FAM120B: variants seen among roughly 807,000 people sequenced by gnomAD.
FAM120B encodes the protein family with sequence similarity 120 member B, also known as constitutive coactivator of peroxisome proliferator-activated receptor gamma.
FAM120B carries 83 observed loss-of-function variants against 96.3 expected under a neutral mutation model. That is an observed-to-expected ratio of 0.86 (90% CI 0.72 to 1.03). FAM120B has a LOEUF of 1.03. FAM120B is among the 50% of genes least tolerant of loss of function. FAM120B has a pLI of 0.00. For synonymous variants in FAM120B, 407 were observed against 402.7 expected (o/e 1.01, Z -0.13); for missense variants, 1,027 against 1,121.2 (o/e 0.92, Z 1.20).
At chr6:170,398,906 G>A (rs1164987646) in intron 9 of FAM120B, among the ~76,000 whole-genome samples, 41 of 144,650 alleles carry the variant, frequency 2.8e-4, no homozygotes, top group Non-Finnish European at 2.5e-4. Context: ...AGTGGGAAAG[G>A]TAGAACTATG....
At chr6:170,352,236 ACTAT>A (rs1419443299) in intron 5 of FAM120B, among the ~76,000 whole-genome samples, 2 of 152,246 alleles carry the variant, frequency 1.3e-5, no homozygotes, top group Non-Finnish European at 2.9e-5. Flanking sequence ...AGAAGAGCTA[ACTAT>A]CCTATGTATG....
chr6:170,320,511 T>A (rs1042485291), intron 2 of FAM120B, among the ~76,000 whole-genome samples: 1 of 152,190 alleles, frequency 6.6e-6, no homozygotes, highest in Non-Finnish European at 1.5e-5. Flanking sequence ...GAAGTGAAAC[T>A]AATAAATAAG....
At chr6:170,399,215 G>T (rs1454603963) in intron 9 of FAM120B, among the ~76,000 whole-genome samples, 3 of 147,160 alleles carry the variant, frequency 2.0e-5, no homozygotes, top group Admixed American at 6.7e-5. Flanking sequence ...GAGTGGGAAA[G>T]GTAGAACTAT....
rs1183439122 is a variant in FAM120B at position 170,295,925 on chromosome 6, G to C, written c.48+472G>C. On this transcript the variant is annotated intron_variant, in intron 1 of 10. Transcript: ENST00000537664. The surrounding 1 kb of genome is among the most constrained non-coding windows in gnomAD (Gnocchi z 7.8). ...TGATTTGCATGAGAACGGGCGGGTC[G>C]CGTGGCTCAGCTGGCGGCCCCGGCG... Among the ~76,000 whole-genome samples the C allele has an allele frequency of 6.6e-6, 1 of 152,010 alleles. No homozygotes were observed. The highest frequency in any genetic ancestry group is 1.5e-5 in the Non-Finnish European group (1 of 67,976).
At position 170,323,289 on chromosome 6, in the gene FAM120B, G is replaced by T. The variant is rs375196720; in HGVS notation, c.1915+30G>T. The T allele has an allele frequency of 2.0e-5, 32 of 1,575,604 alleles. No homozygotes were observed. The African/African-American group carries it at 3.7e-4, about 18-fold the overall frequency. On this transcript the variant is annotated intron_variant, in intron 3 of 10. Coordinates refer to ENST00000476287, the MANE Select transcript of FAM120B (RefSeq NM_032448.3). ...GAATTGGTTGGTCCCTCTTAGTAAA[G>T]GTTCTATTTGGAGTTGAGTTCTGAG...
Position 170,400,411 on chromosome 6 carries a change from T to C in FAM120B, c.2693-4139T>C, listed in dbSNP as rs148762027. ...TGTTTGGTACTGACTCCTCTGGGAA[T>C]GATAAGAGTCACAGGCTTTTCTTTA... On this transcript the variant is annotated intron_variant, in intron 9 of 10. Transcript: ENST00000476287. 2.8e-3 allele frequency among the ~76,000 whole-genome samples: 419 copies of C among 152,264 alleles called. 2 individuals are homozygous for C. The highest frequency in any genetic ancestry group is 9.8e-3 in the African/African-American group (409 of 41,536).
At position 170,406,056 on chromosome 6, in the gene FAM120B, A is replaced by C. The variant is rs1259357170; in HGVS notation, c.*1305A>C. On this transcript the variant is annotated 3_prime_UTR_variant, in exon 11 of 11. Coordinates refer to ENST00000476287, the MANE Select transcript of FAM120B (RefSeq NM_032448.3). ...TCAGAGTAATCCTTTTCATGGAAGA[A>C]TCTTCAGGTCACCAAAGAATTGAAA... The C allele has an allele frequency of 1.3e-5, 2 of 152,256 alleles. No homozygotes were observed. Among genetic ancestry groups the C allele is most frequent in the Admixed American group, 1.3e-4 (2 of 15,288 alleles). The allele number at this position is 152,256 out of a possible 1,614,324, so 9.4% of individuals were successfully genotyped here. A position where few individuals can be genotyped will look rare whatever the true frequency, so the allele number is the denominator to read the frequency against.
At chr6:170,335,269 C>T (rs1328270902) in intron 4 of FAM120B, among the ~76,000 whole-genome samples, 1 of 151,840 alleles carries the variant, frequency 6.6e-6, no homozygotes, top group Non-Finnish European at 1.5e-5. Flanking sequence ...CGTGTGCTCT[C>T]ATTGTTCAAC....
chr6:170,347,023 A>G (rs1787237084), intron 4 of FAM120B, among the ~76,000 whole-genome samples: 1 of 152,162 alleles, frequency 6.6e-6, no homozygotes, highest in Admixed American at 6.5e-5. Flanking sequence ...TGGAGGGAAT[A>G]CTTCAGCCAT....
rs879923703 is a variant in FAM120B at position 170,318,424 on chromosome 6, C to T, written c.1034C>T (p.Ser345Leu). ...AESREEVPMC[S>L]DAESRQEVPM... is the part of the protein sequence containing the mutation. ...TCCAGGGAAGAAGTTCCCATGTGTT[C>T]AGATGCTGAATCCAGGCAAGAAGTT... Residue 345 changes from serine (S) to leucine (L), a missense_variant, in exon 2 of 11, where the codon TCA becomes TTA. Physicochemically the swap from Ser to Leu is moderately radical, Grantham distance 145 (BLOSUM62 -2). Coordinates refer to ENST00000476287, the MANE Select transcript of FAM120B (RefSeq NM_032448.3). 2 of 1,614,142 alleles carry T rather than the reference C, an allele frequency of 1.2e-6. No homozygotes were observed. The highest frequency in any genetic ancestry group is 2.2e-5 in the South Asian group (2 of 91,092).
Position 170,370,984 on chromosome 6 carries a change from A to G in FAM120B, c.2283+12666A>G, listed in dbSNP as rs1431869979. On this transcript the variant is annotated intron_variant, in intron 6 of 10. Coordinates refer to ENST00000476287, the MANE Select transcript of FAM120B (RefSeq NM_032448.3). The surrounding 1 kb of genome is among the most constrained non-coding windows in gnomAD (Gnocchi z 4.3). The stretch of plus-strand genomic sequence containing the variant: ...AATACGGATGGATGGATAGACAGAC[A>G]TTATTTAGACAAAGTCACATGAACT... 1.3e-5 allele frequency among the ~76,000 whole-genome samples: 2 copies of G among 152,170 alleles called. No homozygotes were observed. Among genetic ancestry groups the G allele is most frequent in the African/African-American group, 2.4e-5 (1 of 41,452 alleles).
upstream of FAM120B, among the ~76,000 whole-genome samples, chr6:170,292,126 T>C (rs1462588668): frequency 2.6e-5 from 4 of 152,226 alleles, no homozygotes; most frequent in Non-Finnish European, 5.9e-5. The surrounding 1 kb of genome is among the most constrained non-coding windows in gnomAD (Gnocchi z 6.6). Flanking sequence ...TCTGCAACAA[T>C]GTCCGGCGCA....
intron 8 of FAM120B, 138 bp from the exon 9 acceptor site, chr6:170,395,349 G>GT (rs1393246041): frequency 7.1e-6 from 5 of 704,828 alleles, no homozygotes; most frequent in African/African-American, 5.3e-5. Flanking sequence ...TTAAATTTGC[G>GT]TTTTTTCATG....
intron 4 of FAM120B, among the ~76,000 whole-genome samples, chr6:170,332,395 C>T (rs756507201): frequency 2.6e-5 from 4 of 152,118 alleles, no homozygotes; most frequent in Admixed American, 6.6e-5. Flanking sequence ...ATACAACATA[C>T]GATTAAAAAC....
intron 4 of FAM120B, among the ~76,000 whole-genome samples, chr6:170,339,845 T>C (rs538240211): frequency 6.6e-6 from 1 of 152,188 alleles, no homozygotes; most frequent in Non-Finnish European, 1.5e-5. Context: ...GTAGGGTTTC[T>C]GCAGAGAGAT....
At chr6:170,294,554 G>A (rs534424862), upstream of FAM120B, among the ~76,000 whole-genome samples, 13 of 152,272 alleles carry the variant, frequency 8.5e-5, no homozygotes, top group East Asian at 2.5e-3. This position sits in a 1 kb window ranked among gnomAD's most constrained non-coding sequence, Gnocchi z 7.9. Flanking sequence ...GGCCACCTGG[G>A]AATAAAAGCT....
In FAM120B at chr6:170,317,984, A is replaced by G. The variant is rs1000742467; in HGVS notation, c.594A>G (p.Leu198=). Residue 198 remains leucine, a synonymous_variant, in exon 2 of 11, where the codon CTA becomes CTG. Transcript: ENST00000476287. The part of the protein sequence containing the change: ...CPYFSISELC[L]ESLDTVMLCR... ...ACTTTTCAATTAGCGAGCTCTGCCT[A>G]GAGAGCCTGGACACCGTCATGCTCT... is the stretch of plus-strand genomic sequence containing the variant. 6.2e-7 allele frequency: 1 copy of G among 1,613,866 alleles called. No individual in the cohort carries two copies. The highest frequency in any genetic ancestry group is 8.5e-7 in the Non-Finnish European group (1 of 1,179,810).
chr6:170,295,116 G>A (rs1413402821), upstream of FAM120B, among the ~76,000 whole-genome samples: 1 of 152,230 alleles, frequency 6.6e-6, no homozygotes, highest in East Asian at 1.9e-4. The surrounding 1 kb of genome is among the most constrained non-coding windows in gnomAD (Gnocchi z 7.8). Context: ...GAATGGACCT[G>A]CTGGCTGCCA....
In FAM120B at chr6:170,375,377, A is replaced by G. The variant is rs7771763; in HGVS notation, c.2284-12910A>G. On this transcript the variant is annotated intron_variant, in intron 6 of 10. Transcript: ENST00000476287. ...CTCAGGTTATCTGTTGTTCTTAACAACAAGCGTCTCAGGTCAGGGTAGGCT... is the reference window on the plus strand; with the variant it reads ...CTCAGGTTATCTGTTGTTCTTAACAGCAAGCGTCTCAGGTCAGGGTAGGCT... 7.4e-3 allele frequency among the ~76,000 whole-genome samples: 1,127 copies of G among 152,348 alleles called. 11 individuals carry two copies. Among genetic ancestry groups the G allele is most frequent in the African/African-American group, 0.026 (1,071 of 41,578 alleles).
Sources: gnomAD v4.1 joint callset for allele counts (sites outside exome capture counted in the v4.1 genomes callset) on GRCh38, gnomAD v4.1.1 for gene constraint, Gnocchi (gnomAD v3.1) non-coding constraint, MANE v1.5 for transcripts, NCBI Gene and HGNC (gene_info 2026-07-23, HGNC 2026-07-21) for gene names.